KLHL29: variants seen among roughly 807,000 people sequenced by gnomAD.
The protein encoded by KLHL29 is kelch like family member 29, also known as kelch-like protein 29.
A neutral mutation model predicts 80.4 loss-of-function variants in KLHL29; 21 were observed. The observed-to-expected ratio is 0.26, with a 90% CI of 0.19 to 0.38. KLHL29 has a LOEUF of 0.38. Among genes scored for constraint, KLHL29 ranks in the 10% least tolerant of loss-of-function variants. The probability of loss-of-function intolerance (pLI) is 1.00; values close to 1 mark genes in which losing one functional copy is unlikely to be tolerated. For missense variants in KLHL29, 867 were observed against 1,223.9 expected (o/e 0.71, Z 4.35); for synonymous variants, 511 against 526.8 (o/e 0.97, Z 0.41).
intron 3 of KLHL29, among the ~76,000 whole-genome samples, chr2:23,569,837 C>A (rs1667674523): frequency 1.3e-5 from 2 of 152,174 alleles, no homozygotes; most frequent in South Asian, 4.1e-4. Flanking sequence ...CTCAATGAAA[C>A]CAGACTGACC....
intron 2 of KLHL29, among the ~76,000 whole-genome samples, chr2:23,497,668 C>T (rs1255381023): frequency 6.6e-6 from 1 of 152,140 alleles, no homozygotes; most frequent in African/African-American, 2.4e-5. Context: ...AGCATCTTTC[C>T]CTGCCTCCTA....
At chr2:23,509,669 T>C (rs2103461045) in intron 2 of KLHL29, among the ~76,000 whole-genome samples, 1 of 152,236 alleles carries the variant, frequency 6.6e-6, no homozygotes, top group East Asian at 1.9e-4. Context: ...CAAAGCAGCT[T>C]GGGAAAAAGT....
chr2:23,422,600 T>C (rs1431214711), intron 1 of KLHL29, among the ~76,000 whole-genome samples: 3 of 150,992 alleles, frequency 2.0e-5, no homozygotes, highest in Non-Finnish European at 4.4e-5. Context: ...TGTCTCTGTG[T>C]TGTGTGCCTG....
intron 1 of KLHL29, among the ~76,000 whole-genome samples, chr2:23,461,149 T>A (rs72776770): frequency 8.4e-4 from 128 of 152,324 alleles, no homozygotes; most frequent in Non-Finnish European, 1.7e-3. Context: ...TGTATTATCC[T>A]GTTTAGTCTC....
At chr2:23,597,301 A>ATGTGTGTGTGTG in intron 3 of KLHL29, among the ~76,000 whole-genome samples, 1 of 86,620 alleles carries the variant, frequency 1.2e-5, no homozygotes, top group East Asian at 8.4e-4. Flanking sequence ...TCTCTCATAT[A>ATGTGTGTGTGTG]TATATATATG....
At chr2:23,439,289 G>GT (rs901780676) in intron 1 of KLHL29, among the ~76,000 whole-genome samples, 23 of 151,808 alleles carry the variant, frequency 1.5e-4, no homozygotes, top group South Asian at 1.3e-3. Context: ...TTTTTGAAGG[G>GT]TTTTTTTTGT....
intron 3 of KLHL29, among the ~76,000 whole-genome samples, chr2:23,597,397 ATATATATATATTTTTTTTTTTT>A (rs1668447274): frequency 2.2e-5 from 2 of 90,248 alleles, no homozygotes; most frequent in African/African-American, 4.5e-5. Context: ...ATATATATAT[ATATATATATATTTTTTTTTTTT>A]TTTTTTTTTT....
At chr2:23,665,997 T>C (rs1426763038) in intron 5 of KLHL29, among the ~76,000 whole-genome samples, 5 of 152,248 alleles carry the variant, frequency 3.3e-5, no homozygotes, top group Admixed American at 2.0e-4. Context: ...CTCTTAGAGA[T>C]GAGTACCTTG....
chr2:23,501,192 G>T (rs73919715), intron 2 of KLHL29, among the ~76,000 whole-genome samples: 10 of 152,050 alleles, frequency 6.6e-5, no homozygotes, highest in Non-Finnish European at 1.3e-4. Context: ...ACTCTTCCCC[G>T]CGTGAACACG....
intron 1 of KLHL29, among the ~76,000 whole-genome samples, chr2:23,392,112 G>C (rs1666335575): frequency 6.6e-6 from 1 of 152,186 alleles, no homozygotes; most frequent in African/African-American, 2.4e-5. Context: ...GGTGAAAACA[G>C]ATAACCTCCA....
Position 23,490,954 on chromosome 2 carries a change from T to C in KLHL29, c.-46+15287T>C, listed in dbSNP as rs72848060. 9.2e-3 allele frequency among the ~76,000 whole-genome samples: 1,391 copies of C among 151,988 alleles called. 22 individuals are homozygous for C. The highest frequency in any genetic ancestry group is 0.031 in the African/African-American group (1,285 of 41,322). ...ACATCAGATTTTTTTTTACCTAATA[T>C]GATTTTTTTTTATTTTACTTTAAGT... On this transcript the variant is annotated intron_variant, in intron 2 of 13. Transcript: ENST00000486442.
chr2:23,636,399 GAAA>G (rs756008103), intron 3 of KLHL29, among the ~76,000 whole-genome samples: 1 of 131,900 alleles, frequency 7.6e-6, no homozygotes. Flanking sequence ...TACCCTAAAG[GAAA>G]AAAAAAAAAA....
intron 11 of KLHL29, 28 bp from the exon 12 acceptor site, chr2:23,703,158 C>T (rs1672499566): frequency 1.4e-6 from 2 of 1,397,920 alleles, no homozygotes; most frequent in Admixed American, 3.3e-5. Context: ...CCATCTTGAC[C>T]CTGGGCTCTT....
At chr2:23,691,542 G>A in intron 6 of KLHL29, 132 bp from the exon 7 acceptor site, 1 of 677,806 alleles carries the variant, frequency 1.5e-6, no homozygotes, top group Non-Finnish European at 2.6e-6. Context: ...AGGTTCAGGT[G>A]TGTCATTGCC....
At chr2:23,566,140 C>G (rs981195084) in intron 3 of KLHL29, among the ~76,000 whole-genome samples, 1 of 152,230 alleles carries the variant, frequency 6.6e-6, no homozygotes, top group African/African-American at 2.4e-5. Context: ...TGTCTGTGGC[C>G]TAAAGATTCC....
At chr2:23,597,305 A>ATGTGTGTGTG (rs1414492384) in intron 3 of KLHL29, among the ~76,000 whole-genome samples, 1,674 of 97,336 alleles carry the variant, frequency 0.017, 24 homozygotes, top group East Asian at 0.072. Flanking sequence ...TCATATATAT[A>ATGTGTGTGTG]TATATGTGTG....
In KLHL29 at chr2:23,503,573, G is replaced by A. The variant is rs941999154; in HGVS notation, c.-46+27906G>A. 1.3e-5 allele frequency among the ~76,000 whole-genome samples: 2 copies of A among 151,204 alleles called. No individual in the cohort carries two copies. The highest frequency in any genetic ancestry group is 4.9e-5 in the African/African-American group (2 of 41,026). ...GGGTCCCTGCCGCTACACACCACGA[G>A]CCCACCGAGACTGCTGCAGCCTCGC... On this transcript the variant is annotated intron_variant, in intron 2 of 13. Transcript: ENST00000486442. The surrounding 1 kb of genome is among the most constrained non-coding windows in gnomAD (Gnocchi z 4.0).
rs184817313 is a variant in KLHL29 at position 23,584,944 on chromosome 2, C to T, written c.285+22463C>T. Among the ~76,000 whole-genome samples, 130 of 152,292 alleles carry T rather than the reference C, an allele frequency of 8.5e-4. 1 individual carries two copies. Among genetic ancestry groups the T allele is most frequent in the African/African-American group, 3.1e-3 (128 of 41,554 alleles). On this transcript the variant is annotated intron_variant, in intron 3 of 13. Transcript: ENST00000486442. ...TGGAGAAGGGGTTTCGCCATGTTGGCTAGGCTGGTCTCGAGCTCCTGACTC... is the reference window on the plus strand; with the variant it reads ...TGGAGAAGGGGTTTCGCCATGTTGGTTAGGCTGGTCTCGAGCTCCTGACTC...
chr2:23,621,524 G>A (rs10445929), intron 3 of KLHL29, among the ~76,000 whole-genome samples: 52,391 of 150,018 alleles, frequency 0.35, 10,048 homozygotes, highest in East Asian at 0.63. Context: ...AAGAGGAAGA[G>A]CTCAGGAGGA....
Sources: allele counts gnomAD v4.1 joint callset (sites outside exome capture counted in the v4.1 genomes callset), GRCh38; gene constraint gnomAD v4.1.1; non-coding constraint Gnocchi (gnomAD v3.1); transcripts MANE v1.5; gene names NCBI Gene and HGNC (gene_info 2026-07-23, HGNC 2026-07-21).